Variants in CFAP99 observed in about 807,000 individuals in gnomAD.
The protein encoded by CFAP99 is cilia and flagella associated protein 99.
Under a neutral mutation model 82.7 loss-of-function variants are expected in CFAP99, and 84 were observed. That is an observed-to-expected ratio of 1.02 (90% CI 0.85 to 1.22). The LOEUF (loss-of-function observed/expected upper bound fraction) is 1.22. Ranked by LOEUF, CFAP99 falls within the 50% of genes most tolerant of loss-of-function variation. CFAP99 has a pLI of 0.00. For synonymous variants in CFAP99, 456 were observed against 429.5 expected, an observed-to-expected ratio of 1.06 and a Z score of -0.76; for missense variants, 1,059 against 983.5, an observed-to-expected ratio of 1.08 and a Z score of -1.03.
chr4:2,450,195 G>A (rs1578478549), intron 8 of CFAP99, 190 bp downstream of exon 8: 10 of 624,760 alleles, frequency 1.6e-5, no homozygotes, highest in Middle Eastern at 2.5e-4. Context: ...CTAAGCAGGC[G>A]GGTGTAGACG....
In CFAP99 at chr4:2,446,754, C is replaced by T. The variant is rs978481243; in HGVS notation, c.642+1446C>T. Among the ~76,000 whole-genome samples the T allele has an allele frequency of 6.6e-6, 1 of 152,060 alleles. No homozygotes were observed. Among genetic ancestry groups the T allele is most frequent in the African/African-American group, 2.4e-5 (1 of 41,392 alleles). On this transcript the variant is annotated intron_variant, in intron 6 of 14. Transcript: ENST00000635017. This position sits in a 1 kb window ranked among gnomAD's most constrained non-coding sequence, Gnocchi z 5.0. ...GCTCAAAGCAGAACCTCAGTAAATACCAGTTGGATGGATGGATGGGTGGAT... is the reference window on the plus strand; with the variant it reads ...GCTCAAAGCAGAACCTCAGTAAATATCAGTTGGATGGATGGATGGGTGGAT...
At chr4:2,444,063 C>T (rs377116068) in intron 5 of CFAP99, among the ~76,000 whole-genome samples, 2 of 152,122 alleles carry the variant, frequency 1.3e-5, no homozygotes, top group African/African-American at 4.8e-5. Context: ...AGATGGAAGC[C>T]GTTCCTGTGG....
At chr4:2,460,278 G>A in intron 14 of CFAP99, 36 bp downstream of exon 14, 3 of 1,523,538 alleles carry the variant, frequency 2.0e-6, no homozygotes, top group Non-Finnish European at 1.8e-6. Context: ...CCTCTGGGTG[G>A]ACAGGGAGCA....
Position 2,448,964 on chromosome 4 carries a change from G to C in CFAP99, c.643-706G>C, listed in dbSNP as rs752769281. ...AAGGAGGACTCTGAGGCATGGGTGA[G>C]GAATGGACAGCGGTCGTGGTCAGTG... On this transcript the variant is annotated intron_variant, in intron 6 of 14. Transcript: ENST00000635017. This position sits in a 1 kb window ranked among gnomAD's most constrained non-coding sequence, Gnocchi z 5.2. 6.6e-6 allele frequency among the ~76,000 whole-genome samples: 1 copy of C among 152,196 alleles called. No individual in the cohort carries two copies. Among genetic ancestry groups the C allele is most frequent in the Non-Finnish European group, 1.5e-5 (1 of 68,024 alleles).
exon 5 of CFAP99, chr4:2,443,202 C>G: frequency 6.5e-7 from 1 of 1,535,766 alleles, no homozygotes; most frequent in Non-Finnish European, 8.7e-7. Flanking sequence ...CATCTACGAG[C>G]CAGCCCACGT....
intron 2 of CFAP99, among the ~76,000 whole-genome samples, chr4:2,435,779 C>G (rs1172765538): frequency 2.0e-5 from 3 of 152,046 alleles, no homozygotes; most frequent in African/African-American, 4.8e-5. Context: ...AAAAAATGAG[C>G]CAGGCATGGT....
intron 2 of CFAP99, among the ~76,000 whole-genome samples, chr4:2,434,854 G>A (rs370818086): frequency 3.3e-5 from 5 of 152,360 alleles, no homozygotes; most frequent in East Asian, 3.9e-4. Context: ...CTGCAGGGAC[G>A]ATGCTAGAAG....
At chr4:2,462,963 C>A, downstream of CFAP99, 2 of 1,141,402 alleles carry the variant, frequency 1.8e-6, no homozygotes, top group Non-Finnish European at 2.2e-6. This position sits in a 1 kb window ranked among gnomAD's most constrained non-coding sequence, Gnocchi z 4.1. Context: ...TGCGGGCCAC[C>A]CCCTACACCC....
At position 2,449,957 on chromosome 4, in the gene CFAP99, C is replaced by T. The variant is rs531856186; in HGVS notation, c.747C>T (p.Ile249=). ...AGGAGCTGCTGCTGAGGGCAAACAT[C>T]GAGGAACTGCGCTGCGCCATGCCCA... The change falls in exon 8 of 15, where the codon ATC becomes ATT. Residue 249 remains isoleucine, a synonymous_variant. Transcript: ENST00000635017. 3.0e-5 allele frequency: 46 copies of T among 1,536,156 alleles called. No individual in the cohort carries two copies. The African/African-American group carries it at 3.8e-4, about 13-fold the overall frequency.
chr4:2,460,876 C>T (rs968956539), intron 14 of CFAP99, among the ~76,000 whole-genome samples: 2 of 152,084 alleles, frequency 1.3e-5, no homozygotes, highest in African/African-American at 4.8e-5. Context: ...GTAGCTGGGA[C>T]TACAGGCACA....
At chr4:2,458,495 C>T (rs938158563) in intron 11 of CFAP99, among the ~76,000 whole-genome samples, 1 of 152,128 alleles carries the variant, frequency 6.6e-6, no homozygotes, top group African/African-American at 2.4e-5. Context: ...AGGTTCCCCC[C>T]AAGACCACAC....
intron 8 of CFAP99, 51 bp downstream of exon 8, chr4:2,450,056 C>T (rs952447010): frequency 6.6e-7 from 1 of 1,516,508 alleles, no homozygotes; most frequent in Non-Finnish European, 8.9e-7. Context: ...TCTTCTCAAG[C>T]CATCAGAAAG....
chr4:2,421,361 T>A (rs962954458), intron 1 of CFAP99, among the ~76,000 whole-genome samples: 1 of 144,874 alleles, frequency 6.9e-6, no homozygotes, highest in Non-Finnish European at 1.5e-5. Context: ...TTTTTTTTTT[T>A]TTTTTTTTTT....
intron 11 of CFAP99, among the ~76,000 whole-genome samples, chr4:2,453,817 T>G (rs972343709): frequency 3.5e-5 from 3 of 86,912 alleles, no homozygotes; most frequent in Non-Finnish European, 6.8e-5. Flanking sequence ...TATAACATGA[T>G]TTTTTTTTTT....
chr4:2,425,672 G>A (rs111991325), intron 1 of CFAP99, among the ~76,000 whole-genome samples: 260 of 152,296 alleles, frequency 1.7e-3, no homozygotes, highest in African/African-American at 5.9e-3. Context: ...GCCCAGGCCT[G>A]CACCACACCC....
chr4:2,435,034 A>T (rs1733879821), intron 2 of CFAP99, among the ~76,000 whole-genome samples: 1 of 152,008 alleles, frequency 6.6e-6, no homozygotes, highest in African/African-American at 2.4e-5. Flanking sequence ...GGTGGCTCAC[A>T]CCTGTAATCC....
chr4:2,436,951 CGTG>C (rs1218799612), exon 3 of CFAP99: 40 of 1,535,942 alleles, frequency 2.6e-5, no homozygotes, highest in Non-Finnish European at 3.5e-5. Context: ...TGCTGACCGT[CGTG>C]GTGGATGCCT....
chr4:2,456,950 CTTTTTTTT>C (rs574632036), intron 11 of CFAP99, among the ~76,000 whole-genome samples: 2 of 109,478 alleles, frequency 1.8e-5, no homozygotes, highest in Non-Finnish European at 3.6e-5. Flanking sequence ...TCTTTGAATA[CTTTTTTTT>C]TTTTTTTTTT....
intron 2 of CFAP99, among the ~76,000 whole-genome samples, chr4:2,435,964 C>T (rs868123714): frequency 1.3e-5 from 2 of 149,504 alleles, no homozygotes; most frequent in South Asian, 2.1e-4. Context: ...CTCAGGAGGC[C>T]GAGGTGGGGA....
Sources: gnomAD v4.1 joint callset for allele counts (sites outside exome capture counted in the v4.1 genomes callset) on GRCh38, gnomAD v4.1.1 for gene constraint, Gnocchi (gnomAD v3.1) non-coding constraint, MANE v1.5 for transcripts, NCBI Gene and HGNC (gene_info 2026-07-23, HGNC 2026-07-21) for gene names.